Variants in LZTFL1 observed in about 807,000 individuals in gnomAD.
LZTFL1 encodes leucine zipper transcription factor like 1, also known as leucine zipper transcription factor-like protein 1.
In LZTFL1, 25 loss-of-function variants were observed where a neutral mutation model predicts 45.9. The ratio of observed to expected loss-of-function variants is 0.54; its 90% CI spans 0.40 to 0.76. The LOEUF (loss-of-function observed/expected upper bound fraction) is 0.76. Among genes scored for constraint, LZTFL1 ranks in the 30% least tolerant of loss-of-function variants. The probability of loss-of-function intolerance (pLI) is 0.00; values close to 1 mark genes in which losing one functional copy is unlikely to be tolerated. For missense variants in LZTFL1, 277 were observed against 331.1 expected, an observed-to-expected ratio of 0.84 and a Z score of 1.27; for synonymous variants, 93 against 117.4, an observed-to-expected ratio of 0.79 and a Z score of 1.35.
intron 2 of LZTFL1, among the ~76,000 whole-genome samples, chr3:45,867,860 C>T (rs563438508): frequency 2.6e-5 from 4 of 152,100 alleles, no homozygotes; most frequent in African/African-American, 7.2e-5. Flanking sequence ...ACAACGACAA[C>T]GAACAAGAAA....
intron 2 of LZTFL1, among the ~76,000 whole-genome samples, chr3:45,875,636 A>G (rs1035452417): frequency 1.3e-5 from 2 of 152,248 alleles, no homozygotes; most frequent in Non-Finnish European, 2.9e-5. Flanking sequence ...ATCCTAGGCA[A>G]CATAGTGAGA....
intron 2 of LZTFL1, among the ~76,000 whole-genome samples, chr3:45,860,142 G>T (rs1385880469): frequency 6.6e-6 from 1 of 152,126 alleles, no homozygotes; most frequent in African/African-American, 2.4e-5. Context: ...AGCCCAGAAG[G>T]TGGAGGTTGC....
rs576692554 is a variant in LZTFL1, at chr3:45,872,007, C to T, written c.-214-12991G>A. The stretch of plus-strand genomic sequence containing the variant: ...ACCTGGGGTTATCTGAGGGGCTCAT[C>T]GCTTACTGGTACTGACTGAGACGGA... On this transcript the variant is annotated intron_variant, in intron 2 of 4. Transcript: ENST00000472635. 3.3e-5 allele frequency among the ~76,000 whole-genome samples: 5 copies of T among 152,302 alleles called. No individual in the cohort carries two copies. The South Asian group carries it at 8.3e-4, about 25-fold the overall frequency.
intron 2 of LZTFL1, chr3:45,883,756 A>G (rs925538874): frequency 7.2e-6 from 4 of 556,424 alleles, no homozygotes; most frequent in Non-Finnish European, 1.3e-5. Flanking sequence ...GCTTTCTGCA[A>G]TGCATCCCCA....
At chr3:45,857,325 A>G (rs1326117338) in intron 3 of LZTFL1, among the ~76,000 whole-genome samples, 1 of 152,174 alleles carries the variant, frequency 6.6e-6, no homozygotes. Flanking sequence ...AACAATGAGA[A>G]CATGTGGACA....
At chr3:45,860,200 A>C (rs778185005) in intron 2 of LZTFL1, among the ~76,000 whole-genome samples, 1 of 152,218 alleles carries the variant, frequency 6.6e-6, no homozygotes, top group Non-Finnish European at 1.5e-5. Context: ...CGACAGAGCC[A>C]GACACTGTCT....
intron 3 of LZTFL1, among the ~76,000 whole-genome samples, chr3:45,858,417 G>A (rs1470770094): frequency 6.6e-6 from 1 of 152,198 alleles, no homozygotes; most frequent in South Asian, 2.1e-4. Context: ...GGTAAGTATG[G>A]TGACACAGAA....
At chr3:45,865,766 T>C (rs1435720130) in intron 2 of LZTFL1, among the ~76,000 whole-genome samples, 1 of 152,218 alleles carries the variant, frequency 6.6e-6, no homozygotes, top group African/African-American at 2.4e-5. Flanking sequence ...CATAGAGTTA[T>C]CATATGACCC....
intron 4 of LZTFL1, among the ~76,000 whole-genome samples, chr3:45,833,411 C>A (rs1700882650): frequency 6.6e-6 from 1 of 152,048 alleles, no homozygotes; most frequent in Admixed American, 6.6e-5. Context: ...AAAGGAGGGA[C>A]GGAAGGAGCT....
chr3:45,883,807 A>C, intron 2 of LZTFL1: 1 of 538,890 alleles, frequency 1.9e-6, no homozygotes, highest in Non-Finnish European at 3.5e-6. Flanking sequence ...CCCCAAGACC[A>C]TGAAGAGTGA....
chr3:45,867,094 G>T (rs1701589382), intron 2 of LZTFL1, among the ~76,000 whole-genome samples: 1 of 135,204 alleles, frequency 7.4e-6, no homozygotes, highest in Admixed American at 8.1e-5. Context: ...GTTGCAGTGA[G>T]CCGAGATCAT....
chr3:45,847,129 C>T (rs1424261921), intron 4 of LZTFL1, among the ~76,000 whole-genome samples: 1 of 152,196 alleles, frequency 6.6e-6, no homozygotes, highest in African/African-American at 2.4e-5. Flanking sequence ...GGTGTGGTGT[C>T]TATTAGCTCT....
At chr3:45,881,492 C>T (rs868514648) in intron 2 of LZTFL1, among the ~76,000 whole-genome samples, 4 of 151,994 alleles carry the variant, frequency 2.6e-5, no homozygotes, top group Admixed American at 6.6e-5. Flanking sequence ...GGGTGCGGGC[C>T]CCCTCCTCCT....
intron 2 of LZTFL1, among the ~76,000 whole-genome samples, chr3:45,882,582 C>G (rs148177305): frequency 2.7e-3 from 412 of 152,234 alleles, no homozygotes; most frequent in African/African-American, 9.7e-3. Flanking sequence ...GTGCTAGATA[C>G]TTGGTATATT....
intron 4 of LZTFL1, among the ~76,000 whole-genome samples, chr3:45,848,925 A>G (rs769260426): frequency 4.6e-5 from 7 of 152,216 alleles, no homozygotes; most frequent in Non-Finnish European, 1.0e-4. Context: ...AAATTTTTCC[A>G]ATATATTAAT....
chr3:45,839,649 T>C (rs888877559), intron 1 of LZTFL1, among the ~76,000 whole-genome samples: 2 of 152,332 alleles, frequency 1.3e-5, no homozygotes, highest in South Asian at 4.1e-4. Context: ...ATGGTAAATA[T>C]TTAACAGCAG....
rs563946125 is a variant in LZTFL1, at chr3:45,897,469, T to C, written c.-215+15651A>G. ...CTTGTCTGGGATTCAGTCTTGGGAG[T>C]GTTAGCTGTGCCTGCTCACCGGGCA... On this transcript the variant is annotated intron_variant, in intron 2 of 4. Coordinates refer to the LZTFL1 transcript ENST00000472635. 67 of 772,582 alleles carry C rather than the reference T, an allele frequency of 8.7e-5. No individual in the cohort carries two copies. The East Asian group carries it at 1.3e-3, about 14-fold the overall frequency. 47.9% of individuals were successfully genotyped at this position (772,582 alleles called of 1,614,324 possible).
At chr3:45,847,076 G>A (rs190759201), upstream of LZTFL1, among the ~76,000 whole-genome samples, 5 of 152,210 alleles carry the variant, frequency 3.3e-5, no homozygotes, top group Admixed American at 6.5e-5. Flanking sequence ...GCACTGGTTC[G>A]GAAGCACTTA....
Position 45,871,080 on chromosome 3 carries a change from G to A in LZTFL1, c.-214-12064C>T, listed in dbSNP as rs72883074. On this transcript the variant is annotated intron_variant, in intron 2 of 4. Transcript: ENST00000472635. ...CTACATAGTATTCCATAGAATGAAA[G>A]TACCATCCTTTATGTAATCACCATC... Among the ~76,000 whole-genome samples the A allele has an allele frequency of 8.4e-3, 1,281 of 152,282 alleles. 20 individuals are homozygous for A. The highest frequency in any genetic ancestry group is 0.029 in the African/African-American group (1,219 of 41,552).
Sources: allele counts gnomAD v4.1 joint callset (sites outside exome capture counted in the v4.1 genomes callset), GRCh38; gene constraint gnomAD v4.1.1; transcripts MANE v1.5; gene names NCBI Gene and HGNC (gene_info 2026-07-23, HGNC 2026-07-21).